ZNF511: variants seen among roughly 807,000 people sequenced by gnomAD.
ZNF511 encodes zinc finger protein 511.
A neutral mutation model predicts 24.8 loss-of-function variants in ZNF511; 26 were observed. The observed-to-expected ratio is 1.05, with a 90% CI of 0.77 to 1.46. ZNF511 has a LOEUF of 1.46. ZNF511 is among the 40% of genes most tolerant of loss of function. ZNF511 has a pLI of 0.00. For missense variants in ZNF511, 358 were observed against 345.0 expected, an observed-to-expected ratio of 1.04 and a Z score of -0.30; for synonymous variants, 144 against 139.6, an observed-to-expected ratio of 1.03 and a Z score of -0.22.
At position 133,312,232 on chromosome 10, in the gene ZNF511, G is replaced by A. The variant is rs41313487; in HGVS notation, c.680+391G>A. 3,485 of 1,373,018 alleles carry A rather than the reference G, an allele frequency of 2.5e-3. 47 individuals carry two copies. The South Asian group carries it at 0.027, about 10-fold the overall frequency. The allele number at this position is 1,373,018 out of a possible 1,614,324, so 85.1% of individuals were successfully genotyped here. ...GTTTCTAGCGTCACCTGTGCCGTCTGCCTTCCTAGCATGACCTGTGCCGTC... is the reference window on the plus strand; with the variant it reads ...GTTTCTAGCGTCACCTGTGCCGTCTACCTTCCTAGCATGACCTGTGCCGTC... On this transcript the variant is annotated intron_variant, in intron 5 of 5. Coordinates refer to ENST00000361518, the MANE Select transcript of ZNF511 (RefSeq NM_145806.4).
intron 1 of ZNF511, 89 bp from the exon 2 acceptor site, chr10:133,309,301 A>C: frequency 6.7e-7 from 1 of 1,484,504 alleles, no homozygotes; most frequent in East Asian, 2.5e-5. Context: ...GGAGCGCGGG[A>C]TGACTGGGGC....
In ZNF511 at chr10:133,312,665, C is replaced by T. The variant is rs537442676; in HGVS notation, c.681-123C>T. 1.5e-5 allele frequency: 24 copies of T among 1,559,048 alleles called. No individual in the cohort carries two copies. The East Asian group carries it at 3.2e-4, about 21-fold the overall frequency. On this transcript the variant is annotated intron_variant, in intron 5 of 5. Transcript: ENST00000361518. ...GAGCTGCCCCAGGGCCCAGGAGGGC[C>T]GGCTCTGCATTCCGCATGTTCCCAG...
chr10:133,311,875 C>T (rs1847997280), intron 5 of ZNF511, 34 bp downstream of exon 5: 5 of 1,613,270 alleles, frequency 3.1e-6, no homozygotes, highest in Non-Finnish European at 4.2e-6. Flanking sequence ...AACCCGTTCT[C>T]AACATGTGTT....
intron 5 of ZNF511, 85 bp downstream of exon 5, chr10:133,311,926 T>C (rs781545399): frequency 1.3e-5 from 21 of 1,613,122 alleles, no homozygotes; most frequent in Non-Finnish European, 1.7e-5. Flanking sequence ...CCGCAGCTCT[T>C]CTCATACTGA....
intron 3 of ZNF511, 25 bp from the exon 4 acceptor site, chr10:133,310,139 G>A (rs1847956080): frequency 6.2e-7 from 1 of 1,613,324 alleles, no homozygotes. Context: ...GGGGTCAGAG[G>A]GAGGTGACAC....
chr10:133,313,125 G>C lies in ZNF511; in HGVS notation c.*259G>C, dbSNP rs1848028300. The C allele has an allele frequency of 7.8e-6, 6 of 764,862 alleles. No individual in the cohort carries two copies. Among genetic ancestry groups the C allele is most frequent in the African/African-American group, 3.5e-5 (2 of 56,580 alleles). 47.4% of individuals were successfully genotyped at this position (764,862 alleles called of 1,614,324 possible). ...CTCCTGCAGGGCCCACCCTAAGAATGTATTTTTAAACACATGAAATAAGTA... is the reference window on the plus strand; with the variant it reads ...CTCCTGCAGGGCCCACCCTAAGAATCTATTTTTAAACACATGAAATAAGTA... On this transcript the variant is annotated 3_prime_UTR_variant, in exon 6 of 6. Coordinates refer to ENST00000361518, the MANE Select transcript of ZNF511 (RefSeq NM_145806.4).
At position 133,311,737 on chromosome 10, in the gene ZNF511, A is replaced by G. The variant is rs1255887907; in HGVS notation, c.576A>G (p.Pro192=). The change falls in exon 5 of 6, where the codon CCA becomes CCG. Residue 192 remains proline (P), a synonymous_variant. Coordinates refer to ENST00000361518, the MANE Select transcript of ZNF511 (RefSeq NM_145806.4). The part of the protein sequence containing the change: ...KSRSPASAEA[P]GDSGERSEGE... ...GCAGCCCAGCCTCAGCAGAAGCCCCAGGGGACAGTGGAGAGCGGTCAGAAG... is the reference window on the plus strand; with the variant it reads ...GCAGCCCAGCCTCAGCAGAAGCCCCGGGGGACAGTGGAGAGCGGTCAGAAG... The G allele has an allele frequency of 1.2e-6, 2 of 1,613,576 alleles. No individual in the cohort carries two copies. The highest frequency in any genetic ancestry group is 2.2e-5 in the East Asian group (1 of 44,884).
At chr10:133,310,591 C>T in intron 4 of ZNF511, 4 of 407,238 alleles carry the variant, frequency 9.8e-6, no homozygotes, top group South Asian at 9.6e-5. Context: ...TGGGCCATGC[C>T]TGTACCTCCT....
intron 5 of ZNF511, chr10:133,312,217 T>C (rs1848007463): frequency 7.2e-7 from 1 of 1,391,860 alleles, no homozygotes; most frequent in Non-Finnish European, 9.3e-7. Context: ...GTTTCTAGCG[T>C]CACCTGTGCC....
intron 2 of ZNF511, 57 bp from the exon 3 acceptor site, chr10:133,309,719 G>C: frequency 3.8e-6 from 6 of 1,595,100 alleles, no homozygotes; most frequent in Non-Finnish European, 5.1e-6. Flanking sequence ...TGTGCAGAAA[G>C]TCCAGCTTGG....
chr10:133,312,135 C>G, intron 5 of ZNF511: 1 of 1,428,414 alleles, frequency 7.0e-7, no homozygotes. Context: ...TTGCTTCAGT[C>G]ACAACCCAGG....
At position 133,309,774 on chromosome 10, in the gene ZNF511, AGGGTG is replaced by A. The variant is rs774876505; in HGVS notation, c.228-1_231del. On this transcript the variant is annotated splice_acceptor_variant and coding_sequence_variant, in exon 3 of 6. Coordinates refer to ENST00000361518, the MANE Select transcript of ZNF511 (RefSeq NM_145806.4). LOFTEE classifies it high-confidence loss of function. ...GGCTCCTGAAGCACGTCTCCTTGGC[AGGGTG>A]CCCGCGTTTGCCTGCCAGGTGGCCG... is the stretch of plus-strand genomic sequence containing the variant. 6.2e-7 allele frequency: 1 copy of A among 1,612,632 alleles called. No individual in the cohort carries two copies. Among genetic ancestry groups the A allele is most frequent in the South Asian group, 1.1e-5 (1 of 91,036 alleles).
At chr10:133,312,347 G>C in intron 5 of ZNF511, 1 of 1,158,294 alleles carries the variant, frequency 8.6e-7, no homozygotes, top group East Asian at 5.3e-5. Flanking sequence ...AAATTAATTT[G>C]GGAAAAACGG....
intron 1 of ZNF511, 94 bp downstream of exon 1, chr10:133,309,190 G>A: frequency 2.9e-6 from 4 of 1,379,640 alleles, no homozygotes; most frequent in Non-Finnish European, 3.8e-6. Context: ...AGGGGCCTAC[G>A]ACTGCGGGGC....
At position 133,311,826 on chromosome 10, in the gene ZNF511, G is replaced by A. The variant is rs766626266; in HGVS notation, c.665G>A (p.Arg222Gln). 79 of 1,613,178 alleles carry A rather than the reference G, an allele frequency of 4.9e-5. No individual in the cohort carries two copies. The highest frequency in any genetic ancestry group is 4.0e-5 in the African/African-American group (3 of 74,900). Reference protein sequence around the residue: ...AASPAPAGERRIYRHRIPSTI... With the variant: ...AASPAPAGERQIYRHRIPSTI... ...TCCCCTGCACCGGCAGGTGAGAGGCGGATCTACAGACATAGGTCAGTGTCT... is the reference window on the plus strand; with the variant it reads ...TCCCCTGCACCGGCAGGTGAGAGGCAGATCTACAGACATAGGTCAGTGTCT... The change falls in exon 5 of 6, where the codon CGG (arginine) becomes CAG (glutamine). Residue 222 changes from arginine to glutamine, a missense_variant. Physicochemically the swap from Arg to Gln is conservative, Grantham distance 43 (BLOSUM62 1). Transcript: ENST00000361518.
At chr10:133,311,286 A>G (rs2136154201) in intron 4 of ZNF511, among the ~76,000 whole-genome samples, 1 of 152,334 alleles carries the variant, frequency 6.6e-6, no homozygotes, top group Non-Finnish European at 1.5e-5. Context: ...ACAAAGACTT[A>G]CGTGTAAAGT....
At chr10:133,309,577 G>A (rs886218649) in intron 2 of ZNF511, 114 bp downstream of exon 2, 11 of 1,335,230 alleles carry the variant, frequency 8.2e-6, no homozygotes, top group East Asian at 5.0e-5. Flanking sequence ...CCACCGAGGC[G>A]CTGTGCCTGT....
chr10:133,309,293 AGC>A, intron 1 of ZNF511, 95 bp from the exon 2 acceptor site: 1 of 1,458,798 alleles, frequency 6.9e-7, no homozygotes, highest in Non-Finnish European at 9.3e-7. Flanking sequence ...GCGGGACCGG[AGC>A]GCGGGATGAC....
rs541696857 is a variant in ZNF511 at position 133,312,685 on chromosome 10, TC to T, written c.681-100del. 6,404 of 1,590,996 alleles carry T rather than the reference TC, an allele frequency of 4.0e-3. 24 individuals are homozygous for T. The highest frequency in any genetic ancestry group is 4.9e-3 in the Non-Finnish European group (5,756 of 1,166,296). ...AGGGCCGGCTCTGCATTCCGCATGT[TC>T]CCAGAGTGAAAGAGAATGAGAAGGA... On this transcript the variant is annotated intron_variant, in intron 5 of 5. Coordinates refer to ENST00000361518, the MANE Select transcript of ZNF511 (RefSeq NM_145806.4).
Sources: allele counts gnomAD v4.1 joint callset (sites outside exome capture counted in the v4.1 genomes callset), GRCh38; gene constraint gnomAD v4.1.1; transcripts MANE v1.5; gene names NCBI Gene and HGNC (gene_info 2026-07-23, HGNC 2026-07-21).